TMEM87A: variants seen among roughly 807,000 people sequenced by gnomAD.
The protein encoded by TMEM87A is Golgi-pH regulating cation channel.
Under a neutral mutation model 90.0 loss-of-function variants are expected in TMEM87A, and 50 were observed. The observed-to-expected ratio is 0.56, with a 90% CI of 0.44 to 0.70. The LOEUF is 0.70. Ranked by LOEUF, TMEM87A falls within the 30% of genes least tolerant of loss-of-function variation. TMEM87A has a pLI of 0.00. For missense variants in TMEM87A, 577 were observed against 660.5 expected, an observed-to-expected ratio of 0.87 and a Z score of 1.39; for synonymous variants, 226 against 226.7, an observed-to-expected ratio of 1.00 and a Z score of 0.03.
At chr15:42,242,540 A>AGAGG (rs1393511635) in intron 7 of TMEM87A, among the ~76,000 whole-genome samples, 1 of 150,426 alleles carries the variant, frequency 6.6e-6, no homozygotes, top group Non-Finnish European at 1.5e-5. Context: ...GGAGAGAGGG[A>AGAGG]GAGGGAGGGA....
chr15:42,261,725 C>T (rs988989253), intron 4 of TMEM87A, among the ~76,000 whole-genome samples: 6 of 151,382 alleles, frequency 4.0e-5, no homozygotes, highest in African/African-American at 7.3e-5. Flanking sequence ...GCTCCGCCTC[C>T]CAGGTTCATG....
At chr15:42,272,186 C>T in intron 1 of TMEM87A, 63 bp from the exon 2 acceptor site, 1 of 1,160,178 alleles carries the variant, frequency 8.6e-7, no homozygotes. Context: ...CATCATATAA[C>T]TATCTAAGAC....
At chr15:42,228,359 A>G (rs553575665) in intron 13 of TMEM87A, among the ~76,000 whole-genome samples, 1 of 152,322 alleles carries the variant, frequency 6.6e-6, no homozygotes, top group Non-Finnish European at 1.5e-5. Flanking sequence ...CTAAAATTCT[A>G]CAACTATTTA....
chr15:42,272,168 TACC>T, intron 1 of TMEM87A, 45 bp from the exon 2 acceptor site: 2 of 1,401,398 alleles, frequency 1.4e-6, no homozygotes, highest in Non-Finnish European at 2.0e-6. Context: ...TGGCTTCAAT[TACC>T]AAAGCATCAT....
intron 6 of TMEM87A, among the ~76,000 whole-genome samples, chr15:42,251,626 C>G (rs988656543): frequency 2.6e-5 from 4 of 152,162 alleles, no homozygotes; most frequent in African/African-American, 9.7e-5. Context: ...AGCTTCATCT[C>G]AGAGGGACAC....
At position 42,268,447 on chromosome 15, in the gene TMEM87A, C is replaced by T. The variant is rs142075613; in HGVS notation, c.206-415G>A. Among the ~76,000 whole-genome samples the T allele has an allele frequency of 6.9e-3, 1,049 of 152,268 alleles. 12 individuals carry two copies. The highest frequency in any genetic ancestry group is 0.024 in the African/African-American group (1,014 of 41,548). On this transcript the variant is annotated intron_variant, in intron 2 of 19. Coordinates refer to ENST00000389834, the MANE Select transcript of TMEM87A (RefSeq NM_015497.5). ...GTTTGGGAGGCCAAGGCAGGGGGAT[C>T]GCTTGAGCCCAGGAGCTCAAGACCA...
intron 3 of TMEM87A, among the ~76,000 whole-genome samples, chr15:42,264,699 A>ATATATTTTTTTTTTTT (rs10681614): frequency 1.8e-5 from 2 of 109,424 alleles, no homozygotes; most frequent in Non-Finnish European, 3.8e-5. Flanking sequence ...ATATATATAT[A>ATATATTTTTTTTTTTT]TTTTTTTTTT....
intron 16 of TMEM87A, 82 bp downstream of exon 16, chr15:42,219,979 CA>C (rs2050445890): frequency 7.7e-7 from 1 of 1,292,820 alleles, no homozygotes. Context: ...AATATAGGAA[CA>C]ACACAGTTAT....
intron 5 of TMEM87A, 55 bp from the exon 6 acceptor site, chr15:42,261,057 G>A: frequency 6.4e-7 from 1 of 1,564,510 alleles, no homozygotes. Flanking sequence ...GTTTTTAGCT[G>A]CCCAAGTTCC....
At chr15:42,255,675 A>C (rs1215400194) in intron 6 of TMEM87A, among the ~76,000 whole-genome samples, 2 of 152,192 alleles carry the variant, frequency 1.3e-5, no homozygotes, top group Admixed American at 6.5e-5. Flanking sequence ...AAATCCAAAA[A>C]ACTGAGTTAA....
chr15:42,261,144 CA>C, intron 5 of TMEM87A, 51 bp downstream of exon 5: 4 of 1,588,706 alleles, frequency 2.5e-6, no homozygotes, highest in Non-Finnish European at 3.4e-6. Context: ...GTATCTCCTG[CA>C]CCACCAAAGT....
chr15:42,262,924 G>C (rs1309582402), intron 4 of TMEM87A, among the ~76,000 whole-genome samples: 1 of 152,112 alleles, frequency 6.6e-6, no homozygotes, highest in Non-Finnish European at 1.5e-5. Flanking sequence ...AACAAAATTT[G>C]ATATCAGAAT....
intron 7 of TMEM87A, among the ~76,000 whole-genome samples, chr15:42,241,596 C>G (rs2050869076): frequency 6.6e-6 from 1 of 151,936 alleles, no homozygotes. Flanking sequence ...CAATGGGGAG[C>G]CATCCATTAA....
At chr15:42,272,624 C>T in intron 1 of TMEM87A, 1 of 273,538 alleles carries the variant, frequency 3.7e-6, no homozygotes, top group Non-Finnish European at 7.2e-6. Context: ...GGGTAAGGGG[C>T]AGAAAGGGTC....
intron 15 of TMEM87A, among the ~76,000 whole-genome samples, chr15:42,222,080 GAGAA>G (rs2050497675): frequency 6.6e-6 from 1 of 151,870 alleles, no homozygotes; most frequent in African/African-American, 2.4e-5. Context: ...TGTTTTTTTT[GAGAA>G]AGAGTTTCAC....
intron 6 of TMEM87A, among the ~76,000 whole-genome samples, chr15:42,252,830 T>C (rs2051110632): frequency 6.6e-6 from 1 of 152,192 alleles, no homozygotes; most frequent in Non-Finnish European, 1.5e-5. Flanking sequence ...ATCCTGTAAA[T>C]ATGCCATACG....
At chr15:42,232,289 A>G (rs2050698291) in intron 11 of TMEM87A, among the ~76,000 whole-genome samples, 2 of 152,138 alleles carry the variant, frequency 1.3e-5, no homozygotes. Flanking sequence ...TGGCATGATC[A>G]TGGCTCACCG....
chr15:42,247,200 C>T (rs1397986277), intron 6 of TMEM87A, among the ~76,000 whole-genome samples: 8 of 152,174 alleles, frequency 5.3e-5, no homozygotes, highest in African/African-American at 9.7e-5. Context: ...AGCCCTTTGT[C>T]GGATGGGTGA....
intron 19 of TMEM87A, among the ~76,000 whole-genome samples, chr15:42,215,869 A>T (rs1415923140): frequency 6.6e-6 from 1 of 152,248 alleles, no homozygotes; most frequent in Non-Finnish European, 1.5e-5. Flanking sequence ...CATATAATCC[A>T]GTAATCCCAC....
Sources: allele counts gnomAD v4.1 joint callset (sites outside exome capture counted in the v4.1 genomes callset), GRCh38; gene constraint gnomAD v4.1.1; transcripts MANE v1.5; gene names NCBI Gene and HGNC (gene_info 2026-07-23, HGNC 2026-07-21).